Variants in WNK1 observed in about 807,000 individuals in gnomAD.
The protein encoded by WNK1 is serine/threonine-protein kinase WNK1.
A neutral mutation model predicts 222.8 loss-of-function variants in WNK1; 38 were observed. That is an observed-to-expected ratio of 0.17 (90% CI 0.13 to 0.22). The LOEUF (loss-of-function observed/expected upper bound fraction) is 0.22, where lower values mean the gene tolerates loss of function less well. Among genes scored for constraint, WNK1 ranks in the 10% least tolerant of loss-of-function variants. The pLI, the probability that WNK1 is intolerant of heterozygous loss-of-function variation, is 1.00. For missense variants in WNK1, 2,348 were observed against 2,918.4 expected (o/e 0.80, Z 4.50); for synonymous variants, 1,090 against 1,092.9 (o/e 1.00, Z 0.05).
intron 4 of WNK1, among the ~76,000 whole-genome samples, chr12:831,342 A>G (rs1442901438): frequency 6.6e-6 from 1 of 152,072 alleles, no homozygotes; most frequent in South Asian, 2.1e-4. Context: ...GTATGAGACT[A>G]GACTGGCCAA....
At position 910,952 on chromosome 12, in the gene WNK1, C is replaced by CT. The variant is rs745742970; in HGVS notation, c.*2161dup. The stretch of plus-strand genomic sequence containing the variant: ...ATAGAACCAACAAGGGGCTGAGTAG[C>CT]TGAGAAAGGGGCCACCCAAGAGTGA... On this transcript the variant is annotated 3_prime_UTR_variant, in exon 28 of 28. Coordinates refer to ENST00000315939, the MANE Select transcript of WNK1 (RefSeq NM_018979.4). The CT allele has an allele frequency of 2.4e-5, 5 of 207,412 alleles. No homozygotes were observed. In the East Asian group the frequency reaches 5.2e-4, roughly 22 times the overall value. 12.8% of individuals were successfully genotyped at this position (207,412 alleles called of 1,614,324 possible). A position where few individuals can be genotyped will look rare whatever the true frequency, so the allele number is the denominator to read the frequency against.
chr12:793,950 C>CA (rs1357692602), intron 1 of WNK1, among the ~76,000 whole-genome samples: 23 of 152,158 alleles, frequency 1.5e-4, no homozygotes, highest in Non-Finnish European at 2.8e-4. Context: ...TGTGGATAAC[C>CA]ACTAACCTAC....
At chr12:855,279 A>C (rs1950696812) in intron 4 of WNK1, among the ~76,000 whole-genome samples, 1 of 152,262 alleles carries the variant, frequency 6.6e-6, no homozygotes, top group African/African-American at 2.4e-5. Context: ...CTTTGTAGTC[A>C]TTCTCATAAA....
Position 868,777 on chromosome 12 carries a change from T to C in WNK1, c.2140-2488T>C. 2 of 1,614,060 alleles carry C rather than the reference T, an allele frequency of 1.2e-6. No individual in the cohort carries two copies. The highest frequency in any genetic ancestry group is 1.7e-6 in the Non-Finnish European group (2 of 1,179,898). On this transcript the variant is annotated intron_variant, in intron 8 of 27. Coordinates refer to ENST00000315939, the MANE Select transcript of WNK1 (RefSeq NM_018979.4). ...TTGGATTACATGGCTACTTGCAGCCTGTGACTGAAGAAAAGCATAATTACC... is the reference window on the plus strand; with the variant it reads ...TTGGATTACATGGCTACTTGCAGCCCGTGACTGAAGAAAAGCATAATTACC...
chr12:795,613 G>A (rs1184160809), intron 1 of WNK1, among the ~76,000 whole-genome samples: 1 of 152,088 alleles, frequency 6.6e-6, no homozygotes, highest in African/African-American at 2.4e-5. Context: ...ACATAGAACT[G>A]TGAGTACAGT....
chr12:896,716 C>T lies in WNK1; in HGVS notation c.6229C>T (p.Arg2077Ter). The T allele has an allele frequency of 6.2e-7, 1 of 1,606,206 alleles. No homozygotes were observed. Among genetic ancestry groups the T allele is most frequent in the Non-Finnish European group, 8.5e-7 (1 of 1,178,464 alleles). The change falls in exon 24 of 28, where the codon CGA becomes TGA. Residue 2077 changes from arginine to a stop codon, truncating the protein, a stop_gained. Coordinates refer to ENST00000315939, the MANE Select transcript of WNK1 (RefSeq NM_018979.4). LOFTEE classifies it high-confidence loss of function. ...AGATGAAGACTTAAAGTTAGAGCTGCGACGACTACGAGATAAGTAAGTATA... is the reference window on the plus strand; with the variant it reads ...AGATGAAGACTTAAAGTTAGAGCTGTGACGACTACGAGATAAGTAAGTATA... ...IEDEDLKLEL[R>*]RLRDKHLKEI...
At chr12:797,888 G>A (rs890546614) in intron 1 of WNK1, among the ~76,000 whole-genome samples, 16 of 150,162 alleles carry the variant, frequency 1.1e-4, no homozygotes, top group Middle Eastern at 3.4e-3. Context: ...AGTGGAGGTT[G>A]CAGTGAGCCG....
At chr12:779,537 T>G (rs1943471338) in intron 1 of WNK1, among the ~76,000 whole-genome samples, 2 of 152,020 alleles carry the variant, frequency 1.3e-5, no homozygotes. Context: ...CCTGAGTAGC[T>G]GGAATTACAG....
In WNK1 at chr12:803,819, T is replaced by A. The variant is rs118070276; in HGVS notation, c.760-9823T>A. ...CAGAGGGACATATATATATTCCACA[T>A]TTCTGTATGCTTGAAAACATTTATG... On this transcript the variant is annotated intron_variant, in intron 1 of 27. Transcript: ENST00000315939. 1.3e-3 allele frequency among the ~76,000 whole-genome samples: 196 copies of A among 152,346 alleles called. 1 individual carries two copies. Among genetic ancestry groups the A allele is most frequent in the Non-Finnish European group, 2.4e-3 (164 of 68,026 alleles).
Position 908,350 on chromosome 12 carries a change from C to A in WNK1, c.6832-125C>A, listed in dbSNP as rs952250119. 27 of 1,044,762 alleles carry A rather than the reference C, an allele frequency of 2.6e-5. 1 individual carries two copies. In the South Asian group the frequency reaches 3.4e-4, roughly 13 times the overall value. The allele number at this position is 1,044,762 out of a possible 1,614,324, so 64.7% of individuals were successfully genotyped here. A position where few individuals can be genotyped will look rare whatever the true frequency, so the allele number is the denominator to read the frequency against. ...ACCCTTACTTGGTAAATATAAAGAG[C>A]CAATAAATACTACAGAAGACTGTTC... On this transcript the variant is annotated intron_variant, in intron 27 of 27. Coordinates refer to ENST00000315939, the MANE Select transcript of WNK1 (RefSeq NM_018979.4).
chr12:868,705 G>A, intron 8 of WNK1: 1 of 1,613,818 alleles, frequency 6.2e-7, no homozygotes, highest in Non-Finnish European at 8.5e-7. Context: ...ACCGAAATCG[G>A]CAGGTTGCAG....
Position 813,822 on chromosome 12 carries a change from C to A in WNK1, c.932+8C>A. The A allele has an allele frequency of 1.2e-6, 2 of 1,613,100 alleles. No individual in the cohort carries two copies. Among genetic ancestry groups the A allele is most frequent in the South Asian group, 1.1e-5 (1 of 90,914 alleles). ...GTCTGGAACACTTAAAACGTAAGTT[C>A]ATCAGTATTACAAAAGCTGACCAAG... is the stretch of plus-strand genomic sequence containing the variant. On this transcript the variant is annotated splice_region_variant and intron_variant, in intron 2 of 27. Coordinates refer to ENST00000315939, the MANE Select transcript of WNK1 (RefSeq NM_018979.4).
At position 778,637 on chromosome 12, in the gene WNK1, CT is replaced by C. The variant is rs397849845; in HGVS notation, c.759+24331del. ...TGAGCCACCGTGCCCGGCCAATGATCTTTTTTTTTTTTTTTTTTAAAGTCAT... is the reference window on the plus strand; with the variant it reads ...TGAGCCACCGTGCCCGGCCAATGATCTTTTTTTTTTTTTTTTTAAAGTCAT... On this transcript the variant is annotated intron_variant, in intron 1 of 27. Transcript: ENST00000315939. Among the ~76,000 whole-genome samples, 1,020 of 136,474 alleles carry C rather than the reference CT, an allele frequency of 7.5e-3. 1 individual carries two copies. The highest frequency in any genetic ancestry group is 0.012 in the Middle Eastern group (3 of 260). The allele number at this position is 136,474 out of a possible 152,430, so 89.5% of individuals were successfully genotyped here.
chr12:813,620 C>T, intron 1 of WNK1, 22 bp from the exon 2 acceptor site: 1 of 1,611,226 alleles, frequency 6.2e-7, no homozygotes, highest in African/African-American at 1.3e-5. Context: ...AAACCACATT[C>T]TGTTTTGGTT....
At chr12:760,859 C>T (rs1203417569) in intron 1 of WNK1, among the ~76,000 whole-genome samples, 1 of 146,364 alleles carries the variant, frequency 6.8e-6, no homozygotes, top group Non-Finnish European at 1.5e-5. Flanking sequence ...CTGAAACCTC[C>T]ACCTCCTGTG....
At position 761,862 on chromosome 12, in the gene WNK1, C is replaced by T. The variant is rs972042784; in HGVS notation, c.759+7538C>T. On this transcript the variant is annotated intron_variant, in intron 1 of 27. Transcript: ENST00000315939. ...CTAAAGAGTTACTAGATATCATTGT[C>T]ATATTAAAATGTTCTTTGAACTCTC... 2.3e-4 allele frequency among the ~76,000 whole-genome samples: 34 copies of T among 146,830 alleles called. 2 individuals are homozygous for T. The highest frequency in any genetic ancestry group is 7.3e-4 in the African/African-American group (30 of 40,976).
intron 1 of WNK1, among the ~76,000 whole-genome samples, chr12:775,506 T>C (rs533927115): frequency 6.6e-6 from 1 of 152,228 alleles, no homozygotes; most frequent in South Asian, 2.1e-4. Flanking sequence ...GGCCAAGAAT[T>C]TGAGACCAGC....
At chr12:860,928 T>A in intron 6 of WNK1, 85 bp from the exon 7 acceptor site, 1 of 25,356 alleles carries the variant, frequency 3.9e-5, no homozygotes, top group Non-Finnish European at 8.5e-5. Context: ...TTACAATGCC[T>A]TTTTTTTTTT....
In WNK1 at chr12:827,474, A is replaced by G; in HGVS notation, c.1153+212A>G. On this transcript the variant is annotated intron_variant, in intron 3 of 27. Coordinates refer to ENST00000315939, the MANE Select transcript of WNK1 (RefSeq NM_018979.4). This position sits in a 1 kb window ranked among gnomAD's most constrained non-coding sequence, Gnocchi z 4.6. Reference sequence around the variant, plus strand: ...AGACTATTGGTAACATTACGTTACAAGAAATAAAGTGAACTTTGTTGATAA... The same window carrying G: ...AGACTATTGGTAACATTACGTTACAGGAAATAAAGTGAACTTTGTTGATAA... 5.1e-6 allele frequency: 3 copies of G among 589,066 alleles called. No homozygotes were observed. Among genetic ancestry groups the G allele is most frequent in the Admixed American group, 6.0e-5 (2 of 33,574 alleles). The allele number at this position is 589,066 out of a possible 1,614,324, so 36.5% of individuals were successfully genotyped here.
Sources: allele counts gnomAD v4.1 joint callset (sites outside exome capture counted in the v4.1 genomes callset), GRCh38; gene constraint gnomAD v4.1.1; non-coding constraint Gnocchi (gnomAD v3.1); transcripts MANE v1.5; gene names NCBI Gene and HGNC (gene_info 2026-07-23, HGNC 2026-07-21).